The following LIPC variants were observed in gnomAD, a reference collection of about 807,000 sequenced individuals.
LIPC encodes the protein lipase C, hepatic type.
Under a neutral mutation model 50.7 loss-of-function variants are expected in LIPC, and 44 were observed. That is an observed-to-expected ratio of 0.87 (90% confidence interval 0.68 to 1.11). The LOEUF (loss-of-function observed/expected upper bound fraction) is 1.11. Among genes scored for constraint, LIPC ranks in the 50% most tolerant of loss-of-function variants. LIPC has a pLI of 0.00. For missense variants in LIPC, 697 were observed against 648.2 expected (o/e 1.08, Z -0.82); for synonymous variants, 271 against 256.4 (o/e 1.06, Z -0.54).
chr15:58,565,188 C>A (rs1330166041), intron 8 of LIPC: 6 of 1,535,288 alleles, frequency 3.9e-6, no homozygotes, highest in Non-Finnish European at 5.2e-6. Flanking sequence ...GATCTCCCAA[C>A]AGGATCAATC....
intron 8 of LIPC, among the ~76,000 whole-genome samples, chr15:58,564,426 G>C (rs1894288013): frequency 6.6e-6 from 1 of 151,988 alleles, no homozygotes; most frequent in Admixed American, 6.6e-5. Flanking sequence ...GGGGTGGGGA[G>C]CAAAGAAAAG....
intron 1 of LIPC, among the ~76,000 whole-genome samples, chr15:58,531,687 C>T (rs1030336489): frequency 2.7e-4 from 40 of 148,282 alleles, no homozygotes; most frequent in Admixed American, 5.4e-4. Flanking sequence ...CCTTCCATCC[C>T]GTATCTCATT....
At chr15:58,541,712 G>A (rs2140912020) in intron 2 of LIPC, 73 bp from the exon 3 acceptor site, 1 of 1,439,990 alleles carries the variant, frequency 6.9e-7, no homozygotes, top group Non-Finnish European at 9.6e-7. Flanking sequence ...GCATTATCCA[G>A]GAGCTGGAGA....
At chr15:58,489,092 C>A (rs1160678176) in intron 1 of LIPC, among the ~76,000 whole-genome samples, 1 of 151,808 alleles carries the variant, frequency 6.6e-6, no homozygotes, top group Non-Finnish European at 1.5e-5. Context: ...ACTGAGCTGA[C>A]CTTACAGATA....
At chr15:58,556,810 T>G (rs6494018) in intron 6 of LIPC, among the ~76,000 whole-genome samples, 45,238 of 152,110 alleles carry the variant, frequency 0.3, 7,336 homozygotes, top group African/African-American at 0.42. Flanking sequence ...GACAAGTTAC[T>G]TAACTTTTTC....
chr15:58,536,709 G>A (rs78819330), intron 1 of LIPC, among the ~76,000 whole-genome samples: 6,133 of 152,152 alleles, frequency 0.04, 240 homozygotes, highest in East Asian at 0.21. Context: ...CAAAGAGAGC[G>A]GCAGAAATTT....
At chr15:58,443,462 T>C (rs1450373784) in intron 1 of LIPC, among the ~76,000 whole-genome samples, 1 of 152,174 alleles carries the variant, frequency 6.6e-6, no homozygotes, top group Non-Finnish European at 1.5e-5. Flanking sequence ...AGGCAGCCCA[T>C]AGAAGGCACA....
intron 1 of LIPC, among the ~76,000 whole-genome samples, chr15:58,455,312 C>T (rs549249754): frequency 8.5e-4 from 130 of 152,306 alleles, no homozygotes; most frequent in Non-Finnish European, 1.5e-3. Flanking sequence ...AAAGCAGCCA[C>T]AGACAATAGA....
rs971270126 is a variant in LIPC at position 58,569,180 on chromosome 15, T to G, written c.*353T>G. The G allele has an allele frequency of 2.2e-5, 4 of 181,076 alleles. No individual in the cohort carries two copies. Among genetic ancestry groups the G allele is most frequent in the African/African-American group, 9.5e-5 (4 of 42,030 alleles). The allele number at this position is 181,076 out of a possible 1,614,324, so 11.2% of individuals were successfully genotyped here. A position where few individuals can be genotyped will look rare whatever the true frequency, so the allele number is the denominator to read the frequency against. Reference sequence around the variant, plus strand: ...TTGCTAGTTTATTATGACCCATTTTTGAACCATGCTAGAAAGATACTTTTT... The same window carrying G: ...TTGCTAGTTTATTATGACCCATTTTGGAACCATGCTAGAAAGATACTTTTT... On this transcript the variant is annotated 3_prime_UTR_variant, in exon 9 of 9. Transcript: ENST00000299022.
chr15:58,488,228 C>A (rs1229119812), intron 1 of LIPC, among the ~76,000 whole-genome samples: 1 of 152,188 alleles, frequency 6.6e-6, no homozygotes, highest in African/African-American at 2.4e-5. Flanking sequence ...CAAGATCATG[C>A]CACTACTCCC....
intron 6 of LIPC, among the ~76,000 whole-genome samples, chr15:58,550,132 A>T (rs569105133): frequency 5.4e-4 from 82 of 152,338 alleles, no homozygotes; most frequent in African/African-American, 1.9e-3. Context: ...CCTGGCATTT[A>T]GACCTGGGGC....
intron 1 of LIPC, among the ~76,000 whole-genome samples, chr15:58,508,883 T>C (rs1892247260): frequency 6.6e-6 from 1 of 152,078 alleles, no homozygotes; most frequent in Non-Finnish European, 1.5e-5. Flanking sequence ...TATTCTTCTG[T>C]GCATCCTTTC....
Position 58,539,431 on chromosome 15 carries a change from T to C in LIPC, c.273+914T>C, listed in dbSNP as rs573133463. Among the ~76,000 whole-genome samples the C allele has an allele frequency of 3.1e-4, 47 of 152,216 alleles. No individual in the cohort carries two copies. In the South Asian group the frequency reaches 9.4e-3, roughly 30 times the overall value. On this transcript the variant is annotated intron_variant, in intron 2 of 8. Transcript: ENST00000299022. ...AGTGATGCTAAAAATTCTATTACTA[T>C]GGAAGAAGGAGAGAAAGGATATTAT...
chr15:58,465,192 G>A (rs1378587460), intron 1 of LIPC, among the ~76,000 whole-genome samples: 1 of 152,144 alleles, frequency 6.6e-6, no homozygotes, highest in Admixed American at 6.5e-5. Flanking sequence ...CCCTACATCT[G>A]TCCATGTCAC....
chr15:58,453,432 T>C (rs575705555), intron 1 of LIPC, among the ~76,000 whole-genome samples: 1 of 152,236 alleles, frequency 6.6e-6, no homozygotes, highest in Admixed American at 6.5e-5. Context: ...CTCTAGAGAC[T>C]AACAATGGGA....
intron 1 of LIPC, among the ~76,000 whole-genome samples, chr15:58,457,843 C>T (rs2140696659): frequency 6.6e-6 from 1 of 152,280 alleles, no homozygotes; most frequent in Middle Eastern, 3.4e-3. Flanking sequence ...CACACAATTC[C>T]TTTTCCACTC....
At chr15:58,472,317 G>C (rs1486475626) in intron 1 of LIPC, among the ~76,000 whole-genome samples, 2 of 146,982 alleles carry the variant, frequency 1.4e-5, no homozygotes, top group African/African-American at 5.0e-5. Flanking sequence ...GATTACATCT[G>C]TAACCCCGGC....
chr15:58,489,588 G>A (rs1891511371), intron 1 of LIPC, among the ~76,000 whole-genome samples: 2 of 152,192 alleles, frequency 1.3e-5, no homozygotes, highest in South Asian at 2.1e-4. Context: ...AAGTCCGGAT[G>A]TAGTCAGTCT....
At chr15:58,554,207 C>G (rs181110922) in intron 6 of LIPC, among the ~76,000 whole-genome samples, 1 of 152,306 alleles carries the variant, frequency 6.6e-6, no homozygotes, top group East Asian at 1.9e-4. Flanking sequence ...CACAGGGTTA[C>G]AATCCAGGAT....
Sources: allele counts gnomAD v4.1 joint callset (sites outside exome capture counted in the v4.1 genomes callset), GRCh38; gene constraint gnomAD v4.1.1; transcripts MANE v1.5; gene names NCBI Gene and HGNC (gene_info 2026-07-23, HGNC 2026-07-21).